ZNF385D: variants seen among roughly 807,000 people sequenced by gnomAD.
ZNF385D encodes zinc finger protein 385D.
ZNF385D carries 15 observed loss-of-function variants against 35.8 expected under a neutral mutation model. That is an observed-to-expected ratio of 0.42 (90% CI 0.28 to 0.64). The LOEUF is 0.64. Among genes scored for constraint, ZNF385D ranks in the 30% least tolerant of loss-of-function variants. ZNF385D has a pLI of 0.23. For missense variants in ZNF385D, 474 were observed against 494.6 expected (o/e 0.96, Z 0.39); for synonymous variants, 212 against 186.8 (o/e 1.13, Z -1.10).
chr3:22,083,110 C>T (rs550382366), intron 3 of ZNF385D, among the ~76,000 whole-genome samples: 54 of 152,176 alleles, frequency 3.5e-4, no homozygotes, highest in Non-Finnish European at 5.1e-4. Context: ...GATAAAACCA[C>T]GAAGATGGGG....
chr3:21,940,095 T>A (rs748716094), intron 3 of ZNF385D, among the ~76,000 whole-genome samples: 3 of 152,192 alleles, frequency 2.0e-5, no homozygotes, highest in Admixed American at 6.5e-5. Context: ...GGTCTTTTTG[T>A]TTTAGAGGTC....
At chr3:21,909,382 A>G (rs1330600127) in intron 3 of ZNF385D, among the ~76,000 whole-genome samples, 1 of 152,008 alleles carries the variant, frequency 6.6e-6, no homozygotes, top group African/African-American at 2.4e-5. Flanking sequence ...ATTTTCCACC[A>G]TGTCAGGGTG....
intron 3 of ZNF385D, among the ~76,000 whole-genome samples, chr3:22,144,260 A>C (rs1704704351): frequency 6.6e-6 from 1 of 152,130 alleles, no homozygotes; most frequent in Non-Finnish European, 1.5e-5. Context: ...ATTATTTTAA[A>C]CTTGAAGAGA....
intron 3 of ZNF385D, among the ~76,000 whole-genome samples, chr3:22,104,515 A>G (rs577067053): frequency 1.1e-3 from 161 of 152,162 alleles, no homozygotes; most frequent in African/African-American, 3.5e-3. Flanking sequence ...TCAGTATTTT[A>G]CAACCACATG....
At chr3:21,483,619 G>T in intron 4 of ZNF385D, among the ~76,000 whole-genome samples, 1 of 152,120 alleles carries the variant, frequency 6.6e-6, no homozygotes, top group East Asian at 1.9e-4. Flanking sequence ...ATTCTAATAG[G>T]TGTGTAGAGG....
chr3:21,895,423 T>C (rs891285231), intron 3 of ZNF385D, among the ~76,000 whole-genome samples: 3 of 146,716 alleles, frequency 2.0e-5, no homozygotes, highest in Non-Finnish European at 4.5e-5. Flanking sequence ...TGCCTCTGGG[T>C]TCAAGTGATT....
Position 21,744,847 on chromosome 3 carries a change from T to TA in ZNF385D, c.22+6047dup, listed in dbSNP as rs140473450. ...GCCTTGTCCTTACTAGGACTTGGGT[T>TA]AAAAAAAATAAAAAAAATAATAATA... On this transcript the variant is annotated intron_variant, in intron 1 of 7. Transcript: ENST00000281523. Among the ~76,000 whole-genome samples, 175 of 150,990 alleles carry TA rather than the reference T, an allele frequency of 1.2e-3. 1 individual carries two copies. The highest frequency in any genetic ancestry group is 3.7e-3 in the African/African-American group (151 of 41,100).
At chr3:21,927,697 C>G (rs913382669) in intron 3 of ZNF385D, among the ~76,000 whole-genome samples, 9 of 152,122 alleles carry the variant, frequency 5.9e-5, no homozygotes, top group Non-Finnish European at 2.9e-5. Flanking sequence ...ATTCTGATAT[C>G]AGACAAAATA....
intron 1 of ZNF385D, among the ~76,000 whole-genome samples, chr3:21,697,882 T>A (rs1191474719): frequency 6.6e-6 from 1 of 152,086 alleles, no homozygotes; most frequent in Non-Finnish European, 1.5e-5. Flanking sequence ...GAAATGCCAA[T>A]TAAAACCACA....
chr3:21,470,017 G>A (rs745749855), intron 4 of ZNF385D, among the ~76,000 whole-genome samples: 17 of 152,230 alleles, frequency 1.1e-4, no homozygotes, highest in South Asian at 2.1e-4. Flanking sequence ...AATGGAAGTC[G>A]TAGCAACTAA....
chr3:21,816,901 G>A (rs1202278561), intron 3 of ZNF385D, among the ~76,000 whole-genome samples: 1 of 152,112 alleles, frequency 6.6e-6, no homozygotes, highest in Non-Finnish European at 1.5e-5. Context: ...AAAGAACAAA[G>A]CTGGAGGCAT....
At position 21,564,189 on chromosome 3, in the gene ZNF385D, C is replaced by A. The variant is rs376007544; in HGVS notation, c.276+385G>T. Reference sequence around the variant, plus strand: ...CAAAAAAAGTTTATAAACTCAAAATCTTGATCTTAAAATATGATTTGGTAC... The same window carrying A: ...CAAAAAAAGTTTATAAACTCAAAATATTGATCTTAAAATATGATTTGGTAC... On this transcript the variant is annotated intron_variant, in intron 3 of 7. Transcript: ENST00000281523. Among the ~76,000 whole-genome samples, 21 of 152,196 alleles carry A rather than the reference C, an allele frequency of 1.4e-4. No homozygotes were observed. In the East Asian group the frequency reaches 2.7e-3, roughly 20 times the overall value.
intron 2 of ZNF385D, among the ~76,000 whole-genome samples, chr3:22,173,183 G>A (rs1250677929): frequency 6.6e-6 from 1 of 152,164 alleles, no homozygotes; most frequent in African/African-American, 2.4e-5. Context: ...GGGGAAGTCT[G>A]AGAAATTGTT....
intron 3 of ZNF385D, among the ~76,000 whole-genome samples, chr3:21,846,414 G>A (rs761521479): frequency 6.6e-6 from 1 of 151,968 alleles, no homozygotes; most frequent in Non-Finnish European, 1.5e-5. Context: ...TAATACAGTA[G>A]GGAAATTACT....
At chr3:21,924,087 T>C (rs1164206722) in intron 3 of ZNF385D, among the ~76,000 whole-genome samples, 1 of 152,154 alleles carries the variant, frequency 6.6e-6, no homozygotes, top group Non-Finnish European at 1.5e-5. Context: ...AATGAGATAA[T>C]AAAATAGCTC....
At chr3:22,266,795 G>T (rs1700919349) in intron 2 of ZNF385D, among the ~76,000 whole-genome samples, 1 of 151,878 alleles carries the variant, frequency 6.6e-6, no homozygotes, top group Admixed American at 6.6e-5. Flanking sequence ...GATATTATCG[G>T]TAAGTAAAGT....
intron 2 of ZNF385D, among the ~76,000 whole-genome samples, chr3:22,344,669 G>A (rs981227675): frequency 6.6e-6 from 1 of 152,032 alleles, no homozygotes; most frequent in Non-Finnish European, 1.5e-5. Context: ...TGTTCTGCCT[G>A]CCTCTGTCTC....
chr3:21,916,135 G>A (rs1035793311), intron 3 of ZNF385D, among the ~76,000 whole-genome samples: 9 of 152,122 alleles, frequency 5.9e-5, no homozygotes, highest in Middle Eastern at 6.8e-3. Context: ...AAAGCATAAT[G>A]TATATCACAA....
intron 2 of ZNF385D, among the ~76,000 whole-genome samples, chr3:22,229,044 G>T (rs1698730041): frequency 6.6e-6 from 1 of 152,116 alleles, no homozygotes; most frequent in South Asian, 2.1e-4. Context: ...CCTATTGTGG[G>T]ACTTTTCCTT....
Sources: gnomAD v4.1 joint callset for allele counts (sites outside exome capture counted in the v4.1 genomes callset) on GRCh38, gnomAD v4.1.1 for gene constraint, MANE v1.5 for transcripts, NCBI Gene and HGNC (gene_info 2026-07-23, HGNC 2026-07-21) for gene names.